The following TMTC2 variants were observed in gnomAD, a reference collection of about 807,000 sequenced individuals.
TMTC2 encodes transmembrane O-mannosyltransferase targeting cadherins 2, also known as protein O-mannosyl-transferase TMTC2.
TMTC2 carries 43 observed loss-of-function variants against 82.4 expected under a neutral mutation model. That is an observed-to-expected ratio of 0.52 (90% confidence interval 0.41 to 0.67). TMTC2 has a LOEUF of 0.67. Among genes scored for constraint, TMTC2 ranks in the 30% least tolerant of loss-of-function variants. The pLI, the probability that TMTC2 is intolerant of heterozygous loss-of-function variation, is 0.00. For missense variants in TMTC2, 919 were observed against 1,012.4 expected (o/e 0.91, Z 1.25); for synonymous variants, 408 against 381.9 (o/e 1.07, Z -0.80).
At chr12:82,911,115 T>C (rs1019859357) in intron 3 of TMTC2, among the ~76,000 whole-genome samples, 3 of 152,092 alleles carry the variant, frequency 2.0e-5, no homozygotes, top group Non-Finnish European at 4.4e-5. Context: ...CTCCTGACCT[T>C]GTGAGCCACC....
intron 11 of TMTC2, among the ~76,000 whole-genome samples, chr12:83,101,150 AG>A (rs1210176872): frequency 6.6e-6 from 1 of 152,256 alleles, no homozygotes; most frequent in Non-Finnish European, 1.5e-5. Flanking sequence ...TTGCATTTAA[AG>A]ACAAAATTAC....
intron 11 of TMTC2, among the ~76,000 whole-genome samples, chr12:83,107,007 T>C (rs1477156199): frequency 6.6e-6 from 1 of 152,208 alleles, no homozygotes; most frequent in Admixed American, 6.5e-5. Context: ...TTGTGTAATC[T>C]GATGACAGGG....
At chr12:82,770,314 ATTG>A (rs1877218776) in intron 1 of TMTC2, among the ~76,000 whole-genome samples, 1 of 152,146 alleles carries the variant, frequency 6.6e-6, no homozygotes, top group Admixed American at 6.5e-5. Flanking sequence ...TTCTGAGTCT[ATTG>A]TTTATAAGAG....
chr12:83,066,617 A>G (rs945478731), intron 11 of TMTC2, among the ~76,000 whole-genome samples: 1 of 152,012 alleles, frequency 6.6e-6, no homozygotes. Context: ...GGAAAACTAA[A>G]TAAAAGGTCA....
chr12:83,022,216 G>A (rs1319245969), intron 8 of TMTC2, among the ~76,000 whole-genome samples: 1 of 152,038 alleles, frequency 6.6e-6, no homozygotes, highest in Admixed American at 6.6e-5. Context: ...TTTTTTATGG[G>A]ATTTGCTCAA....
At chr12:82,994,002 C>T (rs1233156732) in intron 8 of TMTC2, among the ~76,000 whole-genome samples, 2 of 152,152 alleles carry the variant, frequency 1.3e-5, no homozygotes, top group East Asian at 3.9e-4. Flanking sequence ...CTGTGAGCAG[C>T]GTGCATGTAA....
In TMTC2 at chr12:82,801,610, G is replaced by T. The variant is rs150784551; in HGVS notation, c.84-55400G>T. Reference sequence around the variant, plus strand: ...TTACAATCCCTGAGCTAGACATAAAGGTTCTCCAAGTCCCCACCAGATCAG... The same window carrying T: ...TTACAATCCCTGAGCTAGACATAAATGTTCTCCAAGTCCCCACCAGATCAG... On this transcript the variant is annotated intron_variant, in intron 1 of 11. Transcript: ENST00000321196. 1.6e-3 allele frequency among the ~76,000 whole-genome samples: 245 copies of T among 152,256 alleles called. 1 individual carries two copies. Among genetic ancestry groups the T allele is most frequent in the African/African-American group, 5.3e-3 (222 of 41,590 alleles).
chr12:82,747,690 G>A (rs1166800902), intron 1 of TMTC2, among the ~76,000 whole-genome samples: 4 of 152,110 alleles, frequency 2.6e-5, no homozygotes, highest in African/African-American at 7.2e-5. Flanking sequence ...TAACAATATC[G>A]ACCCACTGCT....
At chr12:82,708,904 T>C (rs17009868) in intron 1 of TMTC2, among the ~76,000 whole-genome samples, 4,944 of 152,292 alleles carry the variant, frequency 0.032, 179 homozygotes, top group East Asian at 0.12. Context: ...CTGGTATCCA[T>C]TTTTCTCATG....
At chr12:83,111,967 A>G (rs895093362) in intron 11 of TMTC2, among the ~76,000 whole-genome samples, 2 of 151,114 alleles carry the variant, frequency 1.3e-5, no homozygotes, top group African/African-American at 2.4e-5. Context: ...ACATCCAGGT[A>G]TGGTGGCACA....
chr12:82,733,122 T>C (rs1454037656), intron 1 of TMTC2, among the ~76,000 whole-genome samples: 3 of 152,244 alleles, frequency 2.0e-5, no homozygotes, highest in African/African-American at 7.2e-5. Context: ...TATGCATACG[T>C]AAATACTGTT....
chr12:82,793,739 G>A lies in TMTC2; in HGVS notation c.84-63271G>A, dbSNP rs148949515. Among the ~76,000 whole-genome samples, 9 of 152,236 alleles carry A rather than the reference G, an allele frequency of 5.9e-5. No individual in the cohort carries two copies. The East Asian group carries it at 1.7e-3, about 29-fold the overall frequency. On this transcript the variant is annotated intron_variant, in intron 1 of 11. Transcript: ENST00000321196. ...GGAGTTTTCAAGTTGGAACACTGCA[G>A]CTCATTAGCATCTTTCAAACCCTAA... is the stretch of plus-strand genomic sequence containing the variant.
At chr12:82,821,888 C>CA (rs59861216) in intron 1 of TMTC2, among the ~76,000 whole-genome samples, 7,780 of 69,004 alleles carry the variant, frequency 0.11, 291 homozygotes, top group Non-Finnish European at 0.13. Flanking sequence ...GACTCCGTCT[C>CA]AAAAAAAAAA....
intron 10 of TMTC2, among the ~76,000 whole-genome samples, chr12:83,057,794 C>T (rs1274862038): frequency 1.3e-5 from 2 of 151,656 alleles, no homozygotes; most frequent in Non-Finnish European, 2.9e-5. Context: ...TTGTATGTAT[C>T]CGTGGTTTTT....
chr12:82,936,439 A>T (rs1335757631), intron 4 of TMTC2, among the ~76,000 whole-genome samples: 2 of 152,144 alleles, frequency 1.3e-5, no homozygotes. Context: ...AACAAGAACC[A>T]TACAACCCAC....
At chr12:82,868,495 A>G (rs964797370) in intron 2 of TMTC2, among the ~76,000 whole-genome samples, 2 of 152,142 alleles carry the variant, frequency 1.3e-5, no homozygotes, top group African/African-American at 4.8e-5. Context: ...CATCATCATC[A>G]TCTCATACTT....
At chr12:82,868,539 G>A (rs1185108950) in intron 2 of TMTC2, among the ~76,000 whole-genome samples, 1 of 152,082 alleles carries the variant, frequency 6.6e-6, no homozygotes, top group East Asian at 1.9e-4. Flanking sequence ...TTTGGGCTCA[G>A]GAGGGTGCTG....
At chr12:82,960,282 T>G (rs1375957166) in intron 4 of TMTC2, among the ~76,000 whole-genome samples, 1 of 152,136 alleles carries the variant, frequency 6.6e-6, no homozygotes, top group Admixed American at 6.6e-5. Flanking sequence ...TTACTGGGTA[T>G]GTACCCAGAG....
chr12:82,821,402 G>C (rs1302416962), intron 1 of TMTC2, among the ~76,000 whole-genome samples: 1 of 152,116 alleles, frequency 6.6e-6, no homozygotes, highest in Admixed American at 6.5e-5. Flanking sequence ...ATCAACTCAT[G>C]TTGGTAATGA....
Sources: allele counts gnomAD v4.1 joint callset (sites outside exome capture counted in the v4.1 genomes callset), GRCh38; gene constraint gnomAD v4.1.1; transcripts MANE v1.5; gene names NCBI Gene and HGNC (gene_info 2026-07-23, HGNC 2026-07-21).